The following ATG5 variants were observed in gnomAD, a reference collection of about 807,000 sequenced individuals.
ATG5 encodes the protein autophagy protein 5.
A neutral mutation model predicts 36.5 loss-of-function variants in ATG5; 14 were observed. The ratio of observed to expected loss-of-function variants is 0.38; its 90% CI spans 0.25 to 0.60. ATG5 has a LOEUF of 0.60. ATG5 is among the 20% of genes least tolerant of loss of function. The probability of loss-of-function intolerance (pLI) is 0.60; values close to 1 mark genes in which losing one functional copy is unlikely to be tolerated. For missense variants in ATG5, 195 were observed against 326.7 expected (o/e 0.60, Z 3.11); for synonymous variants, 95 against 101.5 (o/e 0.94, Z 0.38).
intron 7 of ATG5, among the ~76,000 whole-genome samples, chr6:106,190,317 G>C (rs560213643): frequency 5.9e-4 from 90 of 152,270 alleles, no homozygotes; most frequent in Admixed American, 1.3e-3. Flanking sequence ...AAGTGTGAGA[G>C]ACAGTGAACC....
intron 5 of ATG5, among the ~76,000 whole-genome samples, chr6:106,274,843 C>A (rs991629298): frequency 6.6e-6 from 1 of 152,180 alleles, no homozygotes; most frequent in Non-Finnish European, 1.5e-5. Context: ...TGTACCCCAA[C>A]CAGGCTAACT....
At chr6:106,260,874 C>T (rs757253939) in intron 5 of ATG5, among the ~76,000 whole-genome samples, 14 of 152,188 alleles carry the variant, frequency 9.2e-5, no homozygotes, top group Non-Finnish European at 1.6e-4. Flanking sequence ...CTGGTCTATA[C>T]AGGCCAAGTT....
intron 4 of ATG5, among the ~76,000 whole-genome samples, chr6:106,285,291 C>G (rs537824958): frequency 2.4e-4 from 37 of 152,138 alleles, no homozygotes; most frequent in South Asian, 1.0e-3. Flanking sequence ...ATAATAGTTG[C>G]TTTAATTCAT....
intron 6 of ATG5, among the ~76,000 whole-genome samples, chr6:106,245,501 G>A (rs567685696): frequency 1.3e-5 from 2 of 152,256 alleles, no homozygotes; most frequent in East Asian, 1.9e-4. Context: ...ACTGAGGCAA[G>A]TGACTTAAAA....
chr6:106,235,369 C>G (rs748710589), intron 6 of ATG5, among the ~76,000 whole-genome samples: 1 of 152,148 alleles, frequency 6.6e-6, no homozygotes, highest in East Asian at 1.9e-4. Context: ...GCACCCCTCC[C>G]GAGGAAATCT....
At chr6:106,220,506 T>G (rs1232164626) in intron 6 of ATG5, among the ~76,000 whole-genome samples, 4 of 152,192 alleles carry the variant, frequency 2.6e-5, no homozygotes, top group Non-Finnish European at 5.9e-5. Flanking sequence ...AGGTTAGAAA[T>G]AAAGATAGGA....
At position 106,265,324 on chromosome 6, in the gene ATG5, C is replaced by T. The variant is rs576266941; in HGVS notation, c.478+14337G>A. Among the ~76,000 whole-genome samples, 17 of 152,160 alleles carry T rather than the reference C, an allele frequency of 1.1e-4. No individual in the cohort carries two copies. In the South Asian group the frequency reaches 3.3e-3, roughly 30 times the overall value. On this transcript the variant is annotated intron_variant, in intron 5 of 7. Transcript: ENST00000369076. ...CTAACTATCCTAAATATATGTGCACCCAATACAGGAGCATCCAGATTCATA... is the reference window on the plus strand; with the variant it reads ...CTAACTATCCTAAATATATGTGCACTCAATACAGGAGCATCCAGATTCATA...
intron 7 of ATG5, among the ~76,000 whole-genome samples, chr6:106,196,806 TTCTTCCCAC>T (rs554726422): frequency 0.15 from 22,735 of 151,952 alleles, 2,015 homozygotes; most frequent in Non-Finnish European, 0.19. Flanking sequence ...CCCAACTAAT[TTCTTCCCAC>T]TCTAGGCACT....
chr6:106,321,843 C>T (rs1333972769), intron 1 of ATG5, among the ~76,000 whole-genome samples: 2 of 152,112 alleles, frequency 1.3e-5, no homozygotes, highest in East Asian at 1.9e-4. Flanking sequence ...AAAATTTAGT[C>T]ATAAGTACCT....
At chr6:106,187,433 A>G (rs1022145134) in intron 7 of ATG5, among the ~76,000 whole-genome samples, 2 of 152,276 alleles carry the variant, frequency 1.3e-5, no homozygotes, top group South Asian at 4.1e-4. Context: ...GACAACTTTT[A>G]AAGTAAATAT....
At chr6:106,211,158 A>C (rs1776836749) in intron 6 of ATG5, among the ~76,000 whole-genome samples, 1 of 152,228 alleles carries the variant, frequency 6.6e-6, no homozygotes, top group Admixed American at 6.5e-5. Context: ...ATGTCCATAA[A>C]GAGGAGGAAG....
chr6:106,300,789 T>G (rs1476037085), intron 3 of ATG5, among the ~76,000 whole-genome samples: 1 of 152,096 alleles, frequency 6.6e-6, no homozygotes, highest in Admixed American at 6.5e-5. Context: ...CTAAATGCGG[T>G]CCATCATTGA....
intron 5 of ATG5, among the ~76,000 whole-genome samples, chr6:106,257,320 G>A (rs150792914): frequency 2.5e-4 from 38 of 152,300 alleles, no homozygotes; most frequent in African/African-American, 8.9e-4. Context: ...TAGTAACATA[G>A]TCGTTTATCA....
At chr6:106,312,547 A>G (rs1770687141) in intron 2 of ATG5, among the ~76,000 whole-genome samples, 1 of 151,828 alleles carries the variant, frequency 6.6e-6, no homozygotes, top group South Asian at 2.1e-4. Context: ...AAGTGAAGTG[A>G]AAAAAAAGAA....
intron 1 of ATG5, among the ~76,000 whole-genome samples, chr6:106,323,538 C>T (rs1291591399): frequency 2.0e-5 from 3 of 152,044 alleles, no homozygotes; most frequent in African/African-American, 4.8e-5. Context: ...CACGCCCGGC[C>T]AAGTTATATT....
intron 6 of ATG5, among the ~76,000 whole-genome samples, chr6:106,205,269 C>CA (rs1226019694): frequency 1.3e-5 from 2 of 152,052 alleles, no homozygotes; most frequent in Non-Finnish European, 2.9e-5. Context: ...ACCCACAACT[C>CA]AAAGAAAAAA....
At chr6:106,257,193 G>A (rs1197138630) in intron 5 of ATG5, among the ~76,000 whole-genome samples, 1 of 152,130 alleles carries the variant, frequency 6.6e-6, no homozygotes, top group East Asian at 1.9e-4. Flanking sequence ...GAGTGAAGCT[G>A]TCATCTCCAA....
chr6:106,220,242 T>C (rs927393392), intron 6 of ATG5, among the ~76,000 whole-genome samples: 1 of 152,212 alleles, frequency 6.6e-6, no homozygotes, highest in Admixed American at 6.5e-5. Context: ...TATGTCAATA[T>C]CTGTATCAAT....
chr6:106,293,990 T>C (rs1780431109), intron 3 of ATG5, among the ~76,000 whole-genome samples: 1 of 152,168 alleles, frequency 6.6e-6, no homozygotes, highest in African/African-American at 2.4e-5. Context: ...CTTCAAATTT[T>C]GGAATATTTG....
Sources: gnomAD v4.1 joint callset for allele counts (sites outside exome capture counted in the v4.1 genomes callset) on GRCh38, gnomAD v4.1.1 for gene constraint, MANE v1.5 for transcripts, NCBI Gene and HGNC (gene_info 2026-07-23, HGNC 2026-07-21) for gene names.